Variants in OLFM2 observed in about 807,000 individuals in gnomAD.
OLFM2 encodes the protein olfactomedin 2.
OLFM2 carries 20 observed loss-of-function variants against 43.9 expected under a neutral mutation model. The ratio of observed to expected loss-of-function variants is 0.46; its 90% CI spans 0.32 to 0.66. The LOEUF (loss-of-function observed/expected upper bound fraction) is 0.66, where lower values mean the gene tolerates loss of function less well. Among genes scored for constraint, OLFM2 ranks in the 30% least tolerant of loss-of-function variants. The pLI, the probability that OLFM2 is intolerant of heterozygous loss-of-function variation, is 0.04. For synonymous variants in OLFM2, 268 were observed against 278.6 expected (o/e 0.96, Z 0.38); for missense variants, 416 against 643.6 (o/e 0.65, Z 3.83).
At chr19:9,930,398 T>C (rs764119107) in intron 1 of OLFM2, among the ~76,000 whole-genome samples, 1 of 152,174 alleles carries the variant, frequency 6.6e-6, no homozygotes, top group African/African-American at 2.4e-5. Context: ...TACCCTTAAA[T>C]TTTGTACTAT....
chr19:9,923,835 C>A (rs1308952432), intron 1 of OLFM2, among the ~76,000 whole-genome samples: 1 of 151,764 alleles, frequency 6.6e-6, no homozygotes, highest in Non-Finnish European at 1.5e-5. Flanking sequence ...CGTGGTGCCT[C>A]ACGCCTGTAA....
intron 1 of OLFM2, among the ~76,000 whole-genome samples, chr19:9,889,344 G>C (rs1035820704): frequency 1.3e-5 from 2 of 151,970 alleles, no homozygotes; most frequent in Non-Finnish European, 2.9e-5. Context: ...AATCTCCCAG[G>C]CTCAAGCAAT....
intron 1 of OLFM2, chr19:9,913,394 G>T: frequency 1.3e-6 from 1 of 779,666 alleles, no homozygotes; most frequent in Non-Finnish European, 1.6e-6. Context: ...AGGGGGACAG[G>T]TGGGGGCCCC....
chr19:9,864,793 T>TTC lies in OLFM2; in HGVS notation c.64-4000_64-3999insGA, dbSNP rs2046387789. Among the ~76,000 whole-genome samples the TTC allele has an allele frequency of 1.3e-5, 2 of 148,590 alleles. 1 individual carries two copies. Among genetic ancestry groups the TTC allele is most frequent in the East Asian group, 3.9e-4 (2 of 5,082 alleles). ...CAGGTACCAACACACCCAGCTTTTT[T>TTC]TTTTTTTTTTTTTTCCTTTTGTAGA... On this transcript the variant is annotated intron_variant, in intron 1 of 5. Transcript: ENST00000264833.
At position 9,853,730 on chromosome 19, in the gene OLFM2, G is replaced by A. The variant is rs2046289002; in HGVS notation, c.*456C>T. ...AGTCACCGAAGCGTCAAATGTCAAA[G>A]GTCCTGTTTATTCCGGCAAACCGGA... is the stretch of plus-strand genomic sequence containing the variant. On this transcript the variant is annotated 3_prime_UTR_variant, in exon 6 of 6. Transcript: ENST00000264833. 1 of 421,608 alleles carries A rather than the reference G, an allele frequency of 2.4e-6. No individual in the cohort carries two copies. The highest frequency in any genetic ancestry group is 3.9e-5 in the Admixed American group (1 of 25,576). 26.1% of individuals were successfully genotyped at this position (421,608 alleles called of 1,614,324 possible).
At chr19:9,888,862 C>G (rs750736494) in intron 1 of OLFM2, among the ~76,000 whole-genome samples, 2 of 151,946 alleles carry the variant, frequency 1.3e-5, no homozygotes, top group East Asian at 1.9e-4. Flanking sequence ...GTCAGGAGAT[C>G]GAGACCATCC....
At chr19:9,902,026 C>CTA (rs146963521) in intron 1 of OLFM2, among the ~76,000 whole-genome samples, 17,483 of 149,920 alleles carry the variant, frequency 0.12, 1,016 homozygotes, top group Non-Finnish European at 0.12. Context: ...TATATACTGA[C>CTA]TATATATATA....
chr19:9,906,197 C>T (rs1225091177), intron 1 of OLFM2, among the ~76,000 whole-genome samples: 1 of 152,036 alleles, frequency 6.6e-6, no homozygotes, highest in East Asian at 1.9e-4. Context: ...GATGGGGCGG[C>T]GGGGAGAAGG....
chr19:9,878,219 G>C (rs982378559), intron 1 of OLFM2, among the ~76,000 whole-genome samples: 7 of 152,028 alleles, frequency 4.6e-5, no homozygotes, highest in African/African-American at 1.7e-4. Flanking sequence ...CATACGCAAC[G>C]TGATATTCAA....
rs2046664155 is a variant in OLFM2 at position 9,894,405 on chromosome 19, A to ATAG, written c.64-33612_64-33611insCTA. Among the ~76,000 whole-genome samples the ATAG allele has an allele frequency of 2.6e-4, 24 of 91,532 alleles. No individual in the cohort carries two copies. The Admixed American group carries it at 2.7e-3, about 10-fold the overall frequency. The allele number at this position is 91,532 out of a possible 152,430, so 60.0% of individuals were successfully genotyped here. ...AATAATAATAATAATAATAATAATA[A>ATAG]TAATAATAAATAAATAAAATAAAGC... On this transcript the variant is annotated intron_variant, in intron 1 of 5. Coordinates refer to ENST00000264833, the MANE Select transcript of OLFM2 (RefSeq NM_058164.4).
chr19:9,908,036 A>T (rs1379587161), intron 1 of OLFM2, among the ~76,000 whole-genome samples: 1 of 152,052 alleles, frequency 6.6e-6, no homozygotes, highest in African/African-American at 2.4e-5. Flanking sequence ...TAAAAATTTT[A>T]AAAATCTAAA....
chr19:9,855,302 G>A (rs1019129406), intron 5 of OLFM2, among the ~76,000 whole-genome samples: 3 of 148,834 alleles, frequency 2.0e-5, no homozygotes, highest in Admixed American at 6.8e-5. Flanking sequence ...GTACAGTGGC[G>A]TGATCTCAGC....
chr19:9,915,729 A>G (rs377302463), intron 1 of OLFM2, among the ~76,000 whole-genome samples: 3 of 151,978 alleles, frequency 2.0e-5, no homozygotes, highest in South Asian at 4.2e-4. Flanking sequence ...CGTGTTAGCC[A>G]GGATGGTCTC....
At chr19:9,900,432 G>A (rs897092185) in intron 1 of OLFM2, among the ~76,000 whole-genome samples, 7 of 151,970 alleles carry the variant, frequency 4.6e-5, no homozygotes, top group South Asian at 2.1e-4. Context: ...GAAAAGGGCC[G>A]GGATCTCTCT....
intron 1 of OLFM2, among the ~76,000 whole-genome samples, chr19:9,914,298 G>T (rs901395261): frequency 6.6e-6 from 1 of 152,144 alleles, no homozygotes; most frequent in African/African-American, 2.4e-5. Context: ...GCATTGGGGG[G>T]CGTGGGGGGG....
intron 1 of OLFM2, among the ~76,000 whole-genome samples, chr19:9,933,022 C>T (rs570752416): frequency 1.8e-4 from 27 of 152,148 alleles, no homozygotes; most frequent in Non-Finnish European, 2.8e-4. Context: ...CGCGACCTCT[C>T]CAGCCACACC....
chr19:9,865,493 T>C (rs1009678784), intron 1 of OLFM2, among the ~76,000 whole-genome samples: 30 of 130,568 alleles, frequency 2.3e-4, no homozygotes, highest in Admixed American at 6.0e-4. Context: ...TTCTTTTTTT[T>C]TTTTTTTTTT....
intron 1 of OLFM2, among the ~76,000 whole-genome samples, chr19:9,915,493 CTTT>C (rs1555728537): frequency 7.6e-6 from 1 of 130,894 alleles, no homozygotes; most frequent in African/African-American, 3.5e-5. Context: ...GAGAAAGGGA[CTTT>C]TTTATTTATT....
chr19:9,885,541 C>G (rs1445010953), intron 1 of OLFM2, among the ~76,000 whole-genome samples: 1 of 148,796 alleles, frequency 6.7e-6, no homozygotes, highest in Non-Finnish European at 1.5e-5. Flanking sequence ...TTGCTAGCAG[C>G]TGTGATCTTC....
Sources: allele counts gnomAD v4.1 joint callset (sites outside exome capture counted in the v4.1 genomes callset), GRCh38; gene constraint gnomAD v4.1.1; transcripts MANE v1.5; gene names NCBI Gene and HGNC (gene_info 2026-07-23, HGNC 2026-07-21).